DNASE1: variants seen among roughly 807,000 people sequenced by gnomAD.
DNASE1 encodes deoxyribonuclease-1.
A neutral mutation model predicts 33.9 loss-of-function variants in DNASE1; 40 were observed. The ratio of observed to expected loss-of-function variants is 1.18; its 90% confidence interval spans 0.92 to 1.54. DNASE1 has a LOEUF of 1.54. Ranked by LOEUF, DNASE1 falls within the 40% of genes most tolerant of loss-of-function variation. The probability of loss-of-function intolerance (pLI) is 0.00; values close to 1 mark genes in which losing one functional copy is unlikely to be tolerated. For missense variants in DNASE1, 518 were observed against 372.6 expected (o/e 1.39, Z -3.21); for synonymous variants, 216 against 160.0 (o/e 1.35, Z -2.64).
intron 1 of DNASE1, among the ~76,000 whole-genome samples, chr16:3,629,475 A>G (rs2041629592): frequency 6.6e-6 from 1 of 152,134 alleles, no homozygotes; most frequent in African/African-American, 2.4e-5. Context: ...ATGCTACTGA[A>G]TTCAGTTTGC....
In DNASE1 at chr16:3,663,666, A is replaced by G. The variant is rs556127822; in HGVS notation, c.*5713A>G. ...GGGCTGGGGGAGCCAAGCGGGCCAC[A>G]CTGGGGAACACCGGGGCAGTTGGGG... On this transcript the variant is annotated 3_prime_UTR_variant, in exon 10 of 10. Transcript: ENST00000407479. 2.4e-5 allele frequency: 35 copies of G among 1,455,854 alleles called. 2 individuals carry two copies. The allele number at this position is 1,455,854 out of a possible 1,614,324, so 90.2% of individuals were successfully genotyped here. A position where few individuals can be genotyped will look rare whatever the true frequency, so the allele number is the denominator to read the frequency against.
intron 1 of DNASE1, among the ~76,000 whole-genome samples, chr16:3,614,743 C>A (rs1264788846): frequency 6.6e-6 from 1 of 152,120 alleles, no homozygotes; most frequent in Non-Finnish European, 1.5e-5. Flanking sequence ...GTCTCCCTGC[C>A]AGCAAGATTT....
rs1021336375 is a variant in DNASE1, at chr16:3,663,533, C to T, written c.*5580C>T. On this transcript the variant is annotated 3_prime_UTR_variant, in exon 10 of 10. Coordinates refer to the DNASE1 transcript ENST00000407479. ...ACTCACGAAGGTGCAGCAGGGTGAGCTCATCAAACTGCTCAAAGCAGAAGA... is the reference window on the plus strand; with the variant it reads ...ACTCACGAAGGTGCAGCAGGGTGAGTTCATCAAACTGCTCAAAGCAGAAGA... 5.0e-6 allele frequency: 8 copies of T among 1,613,960 alleles called. No homozygotes were observed. The Admixed American group carries it at 5.0e-5, about 10-fold the overall frequency.
At chr16:3,649,112 C>A (rs1262299784) in intron 1 of DNASE1, among the ~76,000 whole-genome samples, 2 of 152,190 alleles carry the variant, frequency 1.3e-5, no homozygotes, top group African/African-American at 4.8e-5. Flanking sequence ...GGCAAGAACT[C>A]TCCTAAGTGC....
chr16:3,632,944 T>G (rs1420429918), intron 1 of DNASE1, among the ~76,000 whole-genome samples: 2 of 152,192 alleles, frequency 1.3e-5, no homozygotes, highest in Admixed American at 6.6e-5. Context: ...TTCCTGGGTC[T>G]TCTTTTAACA....
At chr16:3,613,908 ATTTT>A (rs200976238) in intron 1 of DNASE1, among the ~76,000 whole-genome samples, 10 of 113,138 alleles carry the variant, frequency 8.8e-5, no homozygotes, top group East Asian at 2.5e-4. Flanking sequence ...CGCCTGGCTA[ATTTT>A]TTTTTTTTTT....
intron 1 of DNASE1, among the ~76,000 whole-genome samples, chr16:3,612,292 C>T (rs1251264706): frequency 3.9e-5 from 6 of 152,094 alleles, no homozygotes; most frequent in Non-Finnish European, 4.4e-5. Context: ...CTCTTGTTGC[C>T]CAGGCTGGGG....
At chr16:3,659,818 T>TGATCTTGG (rs2042968090), downstream of DNASE1, 1 of 152,046 alleles carries the variant, frequency 6.6e-6, no homozygotes, top group East Asian at 1.9e-4. Flanking sequence ...TGAAATGGCA[T>TGATCTTGG]GATCTTGGCT....
At chr16:3,629,165 A>C (rs1351373769) in intron 1 of DNASE1, among the ~76,000 whole-genome samples, 1 of 144,090 alleles carries the variant, frequency 6.9e-6, no homozygotes. Flanking sequence ...GAGCAAGACT[A>C]AGTCTCAAAA....
chr16:3,623,633 C>G (rs1390994294), intron 1 of DNASE1, among the ~76,000 whole-genome samples: 1 of 151,896 alleles, frequency 6.6e-6, no homozygotes, highest in Non-Finnish European at 1.5e-5. Flanking sequence ...AAAAAAAAAC[C>G]CATTAGTAAG....
intron 1 of DNASE1, among the ~76,000 whole-genome samples, chr16:3,612,177 T>C (rs74870447): frequency 0.088 from 13,429 of 152,094 alleles, 672 homozygotes; most frequent in African/African-American, 0.14. Context: ...CATGGCTTGG[T>C]ATTTGAGGGA....
At chr16:3,637,625 C>T (rs1029076610) in intron 1 of DNASE1, among the ~76,000 whole-genome samples, 2 of 152,138 alleles carry the variant, frequency 1.3e-5, no homozygotes, top group Admixed American at 1.3e-4. Context: ...AAGTTAGGCT[C>T]TTGTAAAATA....
intron 1 of DNASE1, among the ~76,000 whole-genome samples, chr16:3,612,315 A>G (rs1205056013): frequency 1.3e-5 from 2 of 151,320 alleles, no homozygotes; most frequent in African/African-American, 4.9e-5. Flanking sequence ...CAGTGGCGCG[A>G]TCTCGGCTCA....
At chr16:3,655,591 C>A in intron 2 of DNASE1, 71 bp downstream of exon 2, 2 of 1,606,648 alleles carry the variant, frequency 1.2e-6, no homozygotes, top group South Asian at 2.2e-5. Flanking sequence ...CAGGGCCAGC[C>A]CTATGGAGCC....
At chr16:3,631,781 C>T (rs965525018) in intron 1 of DNASE1, among the ~76,000 whole-genome samples, 2 of 152,160 alleles carry the variant, frequency 1.3e-5, no homozygotes, top group Admixed American at 6.5e-5. Flanking sequence ...CCTCGGCCTC[C>T]CAAAGTGCTG....
At chr16:3,652,175 G>A (rs1567204033), upstream of DNASE1, 1 of 152,440 alleles carries the variant, frequency 6.6e-6, no homozygotes, top group Non-Finnish European at 1.5e-5. Flanking sequence ...GTTCCTGAAA[G>A]CAGATGGGGC....
rs79833815 is a variant in DNASE1, at chr16:3,625,772, A to T, written c.-1359+13766A>T. 4.0e-3 allele frequency among the ~76,000 whole-genome samples: 613 copies of T among 152,368 alleles called. 3 individuals carry two copies. The highest frequency in any genetic ancestry group is 0.014 in the African/African-American group (567 of 41,588). On this transcript the variant is annotated intron_variant and NMD_transcript_variant, in intron 1 of 11. Transcript: ENST00000570769. ...ATAAAGAAGTGACAAATTATGTGAC[A>T]TTAAAATTAAGAACCTTTATAAGGC...
At chr16:3,647,505 C>G (rs1003223328) in intron 1 of DNASE1, among the ~76,000 whole-genome samples, 5 of 152,104 alleles carry the variant, frequency 3.3e-5, no homozygotes, top group Non-Finnish European at 7.4e-5. Flanking sequence ...AACTTCTAAG[C>G]TCTAGCAGTC....
At chr16:3,663,399 C>T (rs548051450) in exon 10 of DNASE1, 30 of 1,613,648 alleles carry the variant, frequency 1.9e-5, no homozygotes, top group East Asian at 8.9e-5. Context: ...ACCAGCCCCA[C>T]GCCTAGAGAG....
Sources: gnomAD v4.1 joint callset for allele counts (sites outside exome capture counted in the v4.1 genomes callset) on GRCh38, gnomAD v4.1.1 for gene constraint, MANE v1.5 for transcripts, NCBI Gene and HGNC (gene_info 2026-07-23, HGNC 2026-07-21) for gene names.